Variants in PBX1 observed in about 807,000 individuals in gnomAD.
The protein encoded by PBX1 is PBX homeobox 1.
Under a neutral mutation model 53.4 loss-of-function variants are expected in PBX1, and 6 were observed. The observed-to-expected ratio is 0.11, with a 90% confidence interval of 0.06 to 0.22. PBX1 has a LOEUF of 0.22. Ranked by LOEUF, PBX1 falls within the 10% of genes least tolerant of loss-of-function variation. The probability of loss-of-function intolerance (pLI) is 1.00; values close to 1 mark genes in which losing one functional copy is unlikely to be tolerated. For missense variants in PBX1, 251 were observed against 551.4 expected (o/e 0.46, Z 5.46); for synonymous variants, 204 against 212.3 (o/e 0.96, Z 0.34).
chr1:164,851,838 A>G (rs1384917574), downstream of PBX1: 1 of 170,518 alleles, frequency 5.9e-6, no homozygotes, highest in African/African-American at 2.4e-5. Context: ...AAATACTTGT[A>G]TTTTGTGCAC....
chr1:164,830,966 TGCTCTCTAGG>T (rs1298213168), intron 8 of PBX1, among the ~76,000 whole-genome samples: 5 of 152,226 alleles, frequency 3.3e-5, no homozygotes, highest in Admixed American at 1.3e-4. Context: ...AAAGTCTACA[TGCTCTCTAGG>T]GCTTACTGAA....
At chr1:164,750,812 G>A (rs1474154801) in intron 2 of PBX1, among the ~76,000 whole-genome samples, 1 of 152,170 alleles carries the variant, frequency 6.6e-6, no homozygotes, top group East Asian at 1.9e-4. Context: ...TGACTTGTAG[G>A]CAGTGGCTTA....
At chr1:164,870,790 A>G (rs867590050) in intron 2 of PBX1, among the ~76,000 whole-genome samples, 20 of 152,340 alleles carry the variant, frequency 1.3e-4, no homozygotes, top group African/African-American at 4.8e-4. Flanking sequence ...AAAAGGACAC[A>G]TTTCCACATC....
intron 8 of PBX1, among the ~76,000 whole-genome samples, chr1:164,839,100 G>C (rs1428092805): frequency 6.6e-6 from 1 of 152,164 alleles, no homozygotes; most frequent in African/African-American, 2.4e-5. Flanking sequence ...CTCTGGAAAG[G>C]CTTCCCTTTG....
chr1:164,796,972 G>A (rs902038), intron 3 of PBX1, among the ~76,000 whole-genome samples: 31,381 of 152,048 alleles, frequency 0.21, 3,398 homozygotes, highest in South Asian at 0.28. Flanking sequence ...AGGAGGTATG[G>A]GTAGCTCCTT....
chr1:164,868,676 A>G (rs1266298223), intron 2 of PBX1, among the ~76,000 whole-genome samples: 2 of 152,162 alleles, frequency 1.3e-5, no homozygotes, highest in African/African-American at 2.4e-5. Context: ...TTAAACATAC[A>G]CAGTGGCAAG....
chr1:164,798,733 T>C (rs1668910438), intron 3 of PBX1, among the ~76,000 whole-genome samples: 1 of 152,246 alleles, frequency 6.6e-6, no homozygotes, highest in Admixed American at 6.5e-5. Context: ...TTTTTATTTC[T>C]GCAGGGATAG....
chr1:164,860,255 T>TGAATCAA (rs1283293919), intron 2 of PBX1, among the ~76,000 whole-genome samples: 2 of 152,168 alleles, frequency 1.3e-5, no homozygotes, highest in African/African-American at 4.8e-5. Context: ...CAATCAATAC[T>TGAATCAA]TATTGACAGC....
intron 2 of PBX1, among the ~76,000 whole-genome samples, chr1:164,692,066 G>A (rs1662520589): frequency 6.6e-6 from 1 of 152,196 alleles, no homozygotes; most frequent in South Asian, 2.1e-4. Flanking sequence ...TCTGAAGACA[G>A]TAATCCCAAA....
intron 8 of PBX1, among the ~76,000 whole-genome samples, chr1:164,823,080 A>G (rs1670240167): frequency 6.6e-6 from 1 of 152,176 alleles, no homozygotes; most frequent in Non-Finnish European, 1.5e-5. Context: ...AATATTTATC[A>G]AGTCTTCTCT....
chr1:164,871,741 G>T (rs983740520), intron 2 of PBX1, among the ~76,000 whole-genome samples: 3 of 152,128 alleles, frequency 2.0e-5, no homozygotes, highest in African/African-American at 7.2e-5. Context: ...GGTGGCCAAA[G>T]AACCTTCCAC....
chr1:164,716,435 C>T (rs906376766), intron 2 of PBX1, among the ~76,000 whole-genome samples: 8 of 152,108 alleles, frequency 5.3e-5, no homozygotes, highest in Admixed American at 2.0e-4. Context: ...GACCTAAGTG[C>T]CAGCAGCAAG....
intron 3 of PBX1, among the ~76,000 whole-genome samples, chr1:164,799,008 T>C (rs1668921946): frequency 6.6e-6 from 1 of 152,134 alleles, no homozygotes. Flanking sequence ...ATATCAGAAA[T>C]AATGAGCAAG....
intron 2 of PBX1, among the ~76,000 whole-genome samples, chr1:164,705,110 G>A (rs1030403590): frequency 6.6e-6 from 1 of 152,136 alleles, no homozygotes; most frequent in Non-Finnish European, 1.5e-5. Context: ...GCTGCCCTGT[G>A]TACCGTAAGC....
intron 6 of PBX1, chr1:164,814,053 A>G (rs1669753722): frequency 6.6e-6 from 1 of 152,242 alleles, no homozygotes; most frequent in African/African-American, 2.4e-5. Flanking sequence ...CTTTTTCTAA[A>G]GTAGAGGCAA....
At chr1:164,724,165 G>T (rs541522390) in intron 2 of PBX1, among the ~76,000 whole-genome samples, 1 of 152,274 alleles carries the variant, frequency 6.6e-6, no homozygotes, top group South Asian at 2.1e-4. Context: ...ACAAGTCTTT[G>T]TTGCATGGAG....
At chr1:164,577,990 A>G (rs1401941010) in intron 2 of PBX1, among the ~76,000 whole-genome samples, 1 of 152,222 alleles carries the variant, frequency 6.6e-6, no homozygotes, top group Non-Finnish European at 1.5e-5. Flanking sequence ...TGGTGATAGT[A>G]AAGAATGGAA....
At chr1:164,575,615 C>G (rs1460279337) in intron 2 of PBX1, among the ~76,000 whole-genome samples, 1 of 152,108 alleles carries the variant, frequency 6.6e-6, no homozygotes, top group African/African-American at 2.4e-5. Context: ...TTATCCCTAA[C>G]AAAGAAAGAC....
chr1:164,741,931 T>TG (rs1665635314), intron 2 of PBX1, among the ~76,000 whole-genome samples: 1 of 152,090 alleles, frequency 6.6e-6, no homozygotes, highest in African/African-American at 2.4e-5. Context: ...GATTTTTTTT[T>TG]TAACATTTCT....
Sources: allele counts gnomAD v4.1 joint callset (sites outside exome capture counted in the v4.1 genomes callset), GRCh38; gene constraint gnomAD v4.1.1; transcripts MANE v1.5; gene names NCBI Gene and HGNC (gene_info 2026-07-23, HGNC 2026-07-21).